B3GALT1: variants seen among roughly 807,000 people sequenced by gnomAD.
The protein encoded by B3GALT1 is beta-1,3-galactosyltransferase 1, also known as UDP-Gal:betaGlcNAc beta 1,3-galactosyltransferase, polypeptide 1.
A neutral mutation model predicts 23.2 loss-of-function variants in B3GALT1; 10 were observed. That is an observed-to-expected ratio of 0.43 (90% confidence interval 0.27 to 0.73). B3GALT1 has a LOEUF of 0.73. Among genes scored for constraint, B3GALT1 ranks in the 30% least tolerant of loss-of-function variants. The pLI, the probability that B3GALT1 is intolerant of heterozygous loss-of-function variation, is 0.21. For synonymous variants in B3GALT1, 156 were observed against 141.5 expected (o/e 1.10, Z -0.73); for missense variants, 299 against 405.4 (o/e 0.74, Z 2.25).
rs1553463278 is a variant in B3GALT1, at chr2:167,512,596, A to ATATATATATG, written c.-410+22328_-410+22329insGTATATATAT. Among the ~76,000 whole-genome samples, 40 of 75,328 alleles carry ATATATATATG rather than the reference A, an allele frequency of 5.3e-4. 2 individuals are homozygous for ATATATATATG. In the East Asian group the frequency reaches 1.0e-2, roughly 19 times the overall value. 49.4% of individuals were successfully genotyped at this position (75,328 alleles called of 152,430 possible). On this transcript the variant is annotated intron_variant, in intron 2 of 4. Coordinates refer to ENST00000392690, the MANE Select transcript of B3GALT1 (RefSeq NM_020981.4). ...TATATATATGTATATATATATGTGT[A>ATATATATATG]TATATATATATGTATATATATATAC...
chr2:167,818,083 C>T (rs1438544765), intron 3 of B3GALT1, among the ~76,000 whole-genome samples: 1 of 152,182 alleles, frequency 6.6e-6, no homozygotes, highest in Non-Finnish European at 1.5e-5. Context: ...TGCAGAAGAC[C>T]TTAGGTAAAA....
chr2:167,646,240 T>A (rs1280857563), intron 2 of B3GALT1, among the ~76,000 whole-genome samples: 1 of 152,096 alleles, frequency 6.6e-6, no homozygotes, highest in Non-Finnish European at 1.5e-5. Context: ...TGGGAGCTGT[T>A]CTAAGTGAAC....
At chr2:167,662,837 A>G (rs1158074341) in intron 3 of B3GALT1, among the ~76,000 whole-genome samples, 1 of 151,962 alleles carries the variant, frequency 6.6e-6, no homozygotes, top group East Asian at 1.9e-4. Context: ...TGTCTCAGGA[A>G]TTTTGCATCT....
intron 2 of B3GALT1, among the ~76,000 whole-genome samples, chr2:167,525,917 G>T (rs1227385968): frequency 2.0e-5 from 3 of 152,042 alleles, no homozygotes; most frequent in African/African-American, 7.2e-5. Context: ...CATCTAGCCT[G>T]GTGGAAGTTC....
chr2:167,470,231 A>G (rs1017570219), intron 1 of B3GALT1, among the ~76,000 whole-genome samples: 9 of 152,168 alleles, frequency 5.9e-5, no homozygotes, highest in South Asian at 2.1e-4. Flanking sequence ...TCACTGGCAT[A>G]AGCATTCCCA....
intron 1 of B3GALT1, among the ~76,000 whole-genome samples, chr2:167,466,685 T>C (rs1699349258): frequency 8.1e-6 from 1 of 124,194 alleles, no homozygotes; most frequent in Non-Finnish European, 1.8e-5. Flanking sequence ...GTAAGCTGTC[T>C]ACCTTGTTTA....
intron 2 of B3GALT1, among the ~76,000 whole-genome samples, chr2:167,563,972 C>T (rs1298273978): frequency 1.4e-5 from 2 of 143,140 alleles, no homozygotes; most frequent in African/African-American, 5.3e-5. Context: ...CACCTCCCTT[C>T]CGGACGGGGC....
chr2:167,839,509 C>G (rs1689580871), intron 4 of B3GALT1, among the ~76,000 whole-genome samples: 1 of 152,228 alleles, frequency 6.6e-6, no homozygotes, highest in Non-Finnish European at 1.5e-5. Context: ...CTACAAACCA[C>G]TGCTCAATGA....
At chr2:167,511,793 G>T (rs964400851) in intron 2 of B3GALT1, among the ~76,000 whole-genome samples, 1 of 151,962 alleles carries the variant, frequency 6.6e-6, no homozygotes, top group Non-Finnish European at 1.5e-5. Flanking sequence ...CATCTAAATA[G>T]AAGATGAAAA....
At chr2:167,449,948 G>T (rs1699062176) in intron 1 of B3GALT1, among the ~76,000 whole-genome samples, 1 of 152,132 alleles carries the variant, frequency 6.6e-6, no homozygotes, top group Non-Finnish European at 1.5e-5. Context: ...AAGCCCATTT[G>T]ATCATGGTGG....
At chr2:167,372,013 A>C (rs1341671274) in intron 1 of B3GALT1, among the ~76,000 whole-genome samples, 1 of 151,804 alleles carries the variant, frequency 6.6e-6, no homozygotes, top group Admixed American at 6.6e-5. Flanking sequence ...TATTTATTCG[A>C]ACTATACTAA....
At chr2:167,828,541 C>T (rs918736903) in intron 4 of B3GALT1, among the ~76,000 whole-genome samples, 3 of 152,164 alleles carry the variant, frequency 2.0e-5, no homozygotes, top group African/African-American at 7.2e-5. Flanking sequence ...CCAACAGGCA[C>T]GTTTAAAACA....
intron 2 of B3GALT1, among the ~76,000 whole-genome samples, chr2:167,513,516 T>A (rs1700059360): frequency 6.6e-6 from 1 of 152,166 alleles, no homozygotes; most frequent in Non-Finnish European, 1.5e-5. Flanking sequence ...GAAATTATGG[T>A]TAATGTTAGA....
intron 1 of B3GALT1, among the ~76,000 whole-genome samples, chr2:167,297,568 C>G (rs1043534711): frequency 1.3e-5 from 2 of 152,050 alleles, no homozygotes; most frequent in African/African-American, 4.8e-5. Context: ...AATTACAGAT[C>G]AAACTTTGCT....
chr2:167,674,598 A>G (rs1384383747), intron 3 of B3GALT1, among the ~76,000 whole-genome samples: 2 of 152,234 alleles, frequency 1.3e-5, no homozygotes, highest in Non-Finnish European at 2.9e-5. Context: ...AGAGTTGTAT[A>G]GACCCAGGTA....
At chr2:167,680,904 A>G (rs1193630715) in intron 3 of B3GALT1, among the ~76,000 whole-genome samples, 1 of 152,252 alleles carries the variant, frequency 6.6e-6, no homozygotes, top group African/African-American at 2.4e-5. Context: ...ATCCGATATC[A>G]GAAATAGAAG....
chr2:167,362,015 A>C (rs1553514809), intron 1 of B3GALT1, among the ~76,000 whole-genome samples: 1 of 152,158 alleles, frequency 6.6e-6, no homozygotes, highest in Non-Finnish European at 1.5e-5. Context: ...CGGAGCTTGC[A>C]GTGAGCCGTG....
intron 2 of B3GALT1, among the ~76,000 whole-genome samples, chr2:167,491,973 G>A (rs1680719580): frequency 6.6e-6 from 1 of 152,130 alleles, no homozygotes; most frequent in Admixed American, 6.5e-5. Flanking sequence ...ACTCAGTATT[G>A]CTAGAGCCTT....
chr2:167,528,046 A>AG (rs1683251269), intron 2 of B3GALT1, among the ~76,000 whole-genome samples: 1 of 152,212 alleles, frequency 6.6e-6, no homozygotes, highest in Admixed American at 6.5e-5. Flanking sequence ...AGCATGTTGC[A>AG]ATATACCATC....
Sources: allele counts gnomAD v4.1 joint callset (sites outside exome capture counted in the v4.1 genomes callset), GRCh38; gene constraint gnomAD v4.1.1; transcripts MANE v1.5; gene names NCBI Gene and HGNC (gene_info 2026-07-23, HGNC 2026-07-21).